TNNI3K: variants seen among roughly 807,000 people sequenced by gnomAD.
TNNI3K encodes TNNI3 interacting kinase.
Under a neutral mutation model 114.5 loss-of-function variants are expected in TNNI3K, and 140 were observed. The observed-to-expected ratio is 1.22, with a 90% CI of 1.07 to 1.41. The LOEUF (loss-of-function observed/expected upper bound fraction) is 1.41, where lower values mean the gene tolerates loss of function less well. Among genes scored for constraint, TNNI3K ranks in the 40% most tolerant of loss-of-function variants. TNNI3K has a pLI of 0.00. For missense variants in TNNI3K, 1,125 were observed against 1,007.6 expected (o/e 1.12, Z -1.58); for synonymous variants, 347 against 347.5 (o/e 1.00, Z 0.02).
intron 21 of TNNI3K, among the ~76,000 whole-genome samples, chr1:74,486,631 A>G (rs1405409805): frequency 1.3e-5 from 2 of 151,484 alleles, no homozygotes; most frequent in African/African-American, 2.4e-5. Context: ...TGGGCTAGAG[A>G]TAATAATCTG....
chr1:74,442,693 CTCTA>C (rs773775945), intron 20 of TNNI3K, among the ~76,000 whole-genome samples: 51 of 152,128 alleles, frequency 3.4e-4, no homozygotes, highest in Non-Finnish European at 6.5e-4. Context: ...TTATACTTAT[CTCTA>C]TCTATTTTGT....
intron 17 of TNNI3K, among the ~76,000 whole-genome samples, chr1:74,429,657 G>A (rs905777096): frequency 6.6e-6 from 1 of 152,144 alleles, no homozygotes. Flanking sequence ...GCAAAATATG[G>A]CAGCCAGCAG....
intron 5 of TNNI3K, among the ~76,000 whole-genome samples, chr1:74,298,213 A>G (rs1658109972): frequency 6.6e-6 from 1 of 152,186 alleles, no homozygotes; most frequent in Admixed American, 6.5e-5. Flanking sequence ...GAGTAGGCAT[A>G]GATATACTTA....
intron 9 of TNNI3K, among the ~76,000 whole-genome samples, chr1:74,344,573 T>G (rs1474291128): frequency 6.6e-6 from 1 of 152,166 alleles, no homozygotes; most frequent in East Asian, 1.9e-4. Context: ...CAGGGGACAG[T>G]TGGCAGAACT....
At chr1:74,512,837 C>T (rs1445586014) in intron 23 of TNNI3K, among the ~76,000 whole-genome samples, 3 of 152,170 alleles carry the variant, frequency 2.0e-5, no homozygotes, top group Non-Finnish European at 4.4e-5. Flanking sequence ...TGGGCACCCC[C>T]TGCAGCATGC....
At chr1:74,433,383 T>C (rs1324076709) in intron 17 of TNNI3K, among the ~76,000 whole-genome samples, 5 of 152,056 alleles carry the variant, frequency 3.3e-5, no homozygotes, top group Non-Finnish European at 5.9e-5. Flanking sequence ...CCCCCCTTCA[T>C]GAACTTCACT....
chr1:74,380,757 C>A (rs1013792669), intron 17 of TNNI3K, among the ~76,000 whole-genome samples: 1 of 152,146 alleles, frequency 6.6e-6, no homozygotes, highest in Non-Finnish European at 1.5e-5. Context: ...GGCACCTTGT[C>A]GATTTCCTAA....
rs1669109783 is a variant in TNNI3K at position 74,492,125 on chromosome 1, G to A, written c.2210G>A (p.Ser737Asn). The A allele has an allele frequency of 3.1e-6, 5 of 1,610,922 alleles. No homozygotes were observed. Among genetic ancestry groups the A allele is most frequent in the Non-Finnish European group, 4.2e-6 (5 of 1,177,670 alleles). ...ELMSPASSNS[S>N]GSLSPSSSSD... ...ATGTCTCCTGCATCAAGTAACAGCA[G>A]TGGGTCTCTCTCACCTTCTTCTTCT... Residue 737 changes from serine to asparagine, a missense_variant, in exon 23 of 25, where the codon AGT becomes AAT. Transcript: ENST00000326637.
Position 74,463,425 on chromosome 1 carries a change from A to T in TNNI3K, c.2012-16A>T. ...ACATGTGAATTTCAAAACTGACATGACCATTTGGTTTGCAGCGGCTGCGGC... is the reference window on the plus strand; with the variant it reads ...ACATGTGAATTTCAAAACTGACATGTCCATTTGGTTTGCAGCGGCTGCGGC... On this transcript the variant is annotated splice_polypyrimidine_tract_variant and intron_variant, in intron 20 of 24. Coordinates refer to ENST00000326637, the MANE Select transcript of TNNI3K (RefSeq NM_015978.3). The T allele has an allele frequency of 6.2e-7, 1 of 1,613,930 alleles. No homozygotes were observed. The highest frequency in any genetic ancestry group is 1.1e-5 in the South Asian group (1 of 91,078).
chr1:74,354,173 G>A, intron 11 of TNNI3K, 44 bp downstream of exon 11: 1 of 1,610,950 alleles, frequency 6.2e-7, no homozygotes, highest in Non-Finnish European at 8.5e-7. Context: ...ACATTGAACT[G>A]TGTGCATAGA....
At chr1:74,470,527 A>G (rs868095268) in intron 21 of TNNI3K, 3 of 400,686 alleles carry the variant, frequency 7.5e-6, no homozygotes, top group African/African-American at 4.1e-5. Context: ...GGGAAGTTCT[A>G]TTCTATTTTG....
intron 17 of TNNI3K, chr1:74,372,255 T>C (rs1395569210): frequency 1.3e-5 from 2 of 151,732 alleles, no homozygotes; most frequent in Non-Finnish European, 2.9e-5. Context: ...ACCTTTACAC[T>C]ATTGCCCCAG....
intron 21 of TNNI3K, chr1:74,470,101 T>G: frequency 5.0e-6 from 2 of 400,740 alleles, no homozygotes; most frequent in Non-Finnish European, 8.8e-6. Context: ...TGGTTGAATA[T>G]TTTGAACTTC....
intron 23 of TNNI3K, among the ~76,000 whole-genome samples, chr1:74,518,679 A>G (rs562211712): frequency 1.3e-5 from 2 of 152,176 alleles, no homozygotes; most frequent in South Asian, 4.2e-4. Context: ...TCAAAACAAT[A>G]TCTGTTTTTT....
At chr1:74,335,337 A>AT (rs1382842158) in intron 6 of TNNI3K, among the ~76,000 whole-genome samples, 30 of 152,300 alleles carry the variant, frequency 2.0e-4, no homozygotes, top group African/African-American at 6.3e-4. Context: ...AGTATATGAT[A>AT]TTACCCCTCA....
At chr1:74,507,731 G>A (rs1669978196) in intron 23 of TNNI3K, among the ~76,000 whole-genome samples, 1 of 152,136 alleles carries the variant, frequency 6.6e-6, no homozygotes, top group South Asian at 2.1e-4. Context: ...TAGCCATGTT[G>A]GTATTCCCTA....
Position 74,274,949 on chromosome 1 carries a change from C to T in TNNI3K, c.444+3241C>T, listed in dbSNP as rs45597832. Among the ~76,000 whole-genome samples, 727 of 152,090 alleles carry T rather than the reference C, an allele frequency of 4.8e-3. 1 individual carries two copies. The highest frequency in any genetic ancestry group is 4.7e-3 in the Non-Finnish European group (318 of 67,964). Reference sequence around the variant, plus strand: ...ACTAAAAATGAAAAAGCAGAATGGTCGTATGGGTACTCAAAGTATAGTTTC... The same window carrying T: ...ACTAAAAATGAAAAAGCAGAATGGTTGTATGGGTACTCAAAGTATAGTTTC... On this transcript the variant is annotated intron_variant, in intron 5 of 24. Coordinates refer to ENST00000326637, the MANE Select transcript of TNNI3K (RefSeq NM_015978.3).
At chr1:74,483,828 A>G (rs180717458) in intron 21 of TNNI3K, among the ~76,000 whole-genome samples, 1 of 152,248 alleles carries the variant, frequency 6.6e-6, no homozygotes, top group East Asian at 1.9e-4. Flanking sequence ...ATGCAAAGCT[A>G]ATCTCAGACA....
intron 4 of TNNI3K, among the ~76,000 whole-genome samples, chr1:74,266,398 A>G (rs1312421709): frequency 3.3e-5 from 5 of 151,996 alleles, no homozygotes; most frequent in African/African-American, 1.2e-4. Context: ...TTCAGCAAAC[A>G]GAAAGGAAGC....
Sources: allele counts gnomAD v4.1 joint callset (sites outside exome capture counted in the v4.1 genomes callset), GRCh38; gene constraint gnomAD v4.1.1; transcripts MANE v1.5; gene names NCBI Gene and HGNC (gene_info 2026-07-23, HGNC 2026-07-21).